The following PPP1R3F variants were observed in gnomAD, a reference collection of about 807,000 sequenced individuals.
PPP1R3F encodes protein phosphatase 1, regulatory (inhibitor) subunit 3F.
In PPP1R3F, 29 loss-of-function variants were observed where a neutral mutation model predicts 24.2. That is an observed-to-expected ratio of 1.20 (90% CI 0.89 to 1.63). PPP1R3F has a LOEUF of 1.63. Among genes scored for constraint, PPP1R3F ranks in the 40% most tolerant of loss-of-function variants. The probability of loss-of-function intolerance (pLI) is 0.00; values close to 1 mark genes in which losing one functional copy is unlikely to be tolerated. For missense variants in PPP1R3F, 823 were observed against 729.3 expected (o/e 1.13, Z -1.48); for synonymous variants, 363 against 340.1 (o/e 1.07, Z -0.74).
In PPP1R3F at chrX:49,286,685, C is replaced by T. The variant is rs782718502; in HGVS notation, c.1995C>T (p.Ser665=). ...GGGTGATAGCTGGGGTGACTGAGTC[C>T]CTGGGGGAGGCCGGGACAGAAGCCC... ...MNRVIAGVTE[S]LGEAGTEAQI... is the part of the protein sequence containing the mutation. The change falls in exon 4 of 4, where the codon TCC becomes TCT. Residue 665 remains serine (S), a synonymous_variant. Transcript: ENST00000055335. The T allele has an allele frequency of 8.3e-7, 1 of 1,209,863 alleles. No homozygotes were observed. The highest frequency in any genetic ancestry group is 3.0e-5 in the East Asian group (1 of 33,777).
intron 1 of PPP1R3F, among the ~76,000 whole-genome samples, chrX:49,271,850 G>A (rs1001069848): frequency 1.8e-5 from 2 of 112,525 alleles, no homozygotes; most frequent in Non-Finnish European, 3.8e-5. Context: ...CACCACCTGT[G>A]ATCATTTAGG....
chrX:49,300,330 A>G (rs1369568308), intron 3 of PPP1R3F, among the ~76,000 whole-genome samples: 4 of 110,393 alleles, frequency 3.6e-5, no homozygotes, highest in African/African-American at 9.9e-5. Context: ...CTTGCCTTCC[A>G]TGGGCTGCAC....
At chrX:49,285,488 G>GC (rs2066276042) in intron 3 of PPP1R3F, among the ~76,000 whole-genome samples, 1 of 111,863 alleles carries the variant, frequency 8.9e-6, no homozygotes, top group Non-Finnish European at 1.9e-5. Flanking sequence ...GAGCCACTGT[G>GC]CCTGGCTACT....
chrX:49,286,040 C>T lies in PPP1R3F; in HGVS notation c.1350C>T (p.Pro450=), dbSNP rs1447295522. ...SEGATGPFLE[P]SQQQAEATWG... The stretch of plus-strand genomic sequence containing the variant: ...GGGCCACCGGGCCTTTCCTGGAGCC[C>T]AGTCAGCAGCAGGCAGAGGCCACAT... Residue 450 remains proline (P), a synonymous_variant, in exon 4 of 4, where the codon CCC becomes CCT. Coordinates refer to ENST00000055335, the MANE Select transcript of PPP1R3F (RefSeq NM_033215.5). 4.3e-6 allele frequency: 5 copies of T among 1,172,658 alleles called. No individual in the cohort carries two copies. The highest frequency in any genetic ancestry group is 4.6e-6 in the Non-Finnish European group (4 of 874,230).
chrX:49,283,992 G>A (rs1557121014), intron 3 of PPP1R3F, among the ~76,000 whole-genome samples: 2 of 111,709 alleles, frequency 1.8e-5, no homozygotes, highest in Non-Finnish European at 3.8e-5. Context: ...AAAAAGCAGT[G>A]TAAATATTTA....
intron 3 of PPP1R3F, among the ~76,000 whole-genome samples, chrX:49,285,572 A>G (rs1038870403): frequency 1.8e-5 from 2 of 111,869 alleles, no homozygotes; most frequent in African/African-American, 6.5e-5. Context: ...CATTCACCAA[A>G]TATTCACACC....
rs1256918707 is a variant in PPP1R3F at position 49,301,263 on chromosome X, CA to C, written c.393-85del. On this transcript the variant is annotated intron_variant, in intron 3 of 3. Transcript: ENST00000471261. ...GTTTTTTTGTCTATTTAATAAAACC[CA>C]AACTGTAGTATGCTTTACATGCCTT... is the stretch of plus-strand genomic sequence containing the variant. 9.7e-6 allele frequency: 4 copies of C among 413,126 alleles called. No homozygotes were observed. The African/African-American group carries it at 1.0e-4, about 11-fold the overall frequency. 34.0% of individuals were successfully genotyped at this position (413,126 alleles called of 1,213,427 possible). A position where few individuals can be genotyped will look rare whatever the true frequency, so the allele number is the denominator to read the frequency against.
intron 3 of PPP1R3F, 92 bp downstream of exon 3, chrX:49,282,155 C>G: frequency 1.5e-6 from 1 of 665,996 alleles, no homozygotes; most frequent in Non-Finnish European, 2.3e-6. Flanking sequence ...CCCACTAGCT[C>G]TGGGTCCTCC....
At chrX:49,272,664 T>C (rs1557119506) in intron 1 of PPP1R3F, among the ~76,000 whole-genome samples, 1 of 112,950 alleles carries the variant, frequency 8.9e-6, no homozygotes, top group Admixed American at 9.3e-5. Context: ...TTGGATTGAA[T>C]GCAGCAAACA....
downstream of PPP1R3F, among the ~76,000 whole-genome samples, chrX:49,292,473 G>T (rs1557122472): frequency 8.9e-6 from 1 of 112,926 alleles, no homozygotes; most frequent in Admixed American, 9.3e-5. Flanking sequence ...GGCCAGGTTG[G>T]CTGAGGGCAC....
chrX:49,295,307 C>A (rs911721316), intron 3 of PPP1R3F, among the ~76,000 whole-genome samples: 8 of 110,495 alleles, frequency 7.2e-5, no homozygotes, highest in Admixed American at 9.6e-5. Context: ...CCACACCTGA[C>A]TAATTTTTGT....
downstream of PPP1R3F, among the ~76,000 whole-genome samples, chrX:49,288,580 G>C (rs782514146): frequency 2.7e-5 from 3 of 112,005 alleles, no homozygotes; most frequent in East Asian, 8.4e-4. Flanking sequence ...CAGATGGCAC[G>C]ATATTTTTGC....
At chrX:49,280,748 T>C (rs1053924099) in intron 1 of PPP1R3F, 1 of 110,925 alleles carries the variant, frequency 9.0e-6, no homozygotes, top group Admixed American at 9.6e-5. Context: ...GGTTTCATCA[T>C]GTTGCCCAGG....
At chrX:49,295,478 G>C (rs2147979708) in intron 3 of PPP1R3F, among the ~76,000 whole-genome samples, 1 of 111,867 alleles carries the variant, frequency 8.9e-6, no homozygotes, top group East Asian at 2.8e-4. Flanking sequence ...TGTCAGTTTT[G>C]CATCCCCAGG....
intron 3 of PPP1R3F, among the ~76,000 whole-genome samples, chrX:49,297,416 G>A (rs1299185352): frequency 2.2e-4 from 24 of 109,472 alleles, no homozygotes; most frequent in Non-Finnish European, 3.4e-4. Context: ...GGGTTTCACC[G>A]TGTTAGCCAG....
chrX:49,285,272 C>T (rs781854602), intron 3 of PPP1R3F, among the ~76,000 whole-genome samples: 52 of 109,833 alleles, frequency 4.7e-4, no homozygotes, highest in African/African-American at 1.5e-3. Context: ...GGCACAGTCT[C>T]GGCTCACTGC....
At chrX:49,296,991 G>A (rs2066324417) in intron 3 of PPP1R3F, among the ~76,000 whole-genome samples, 1 of 110,420 alleles carries the variant, frequency 9.1e-6, no homozygotes, top group Non-Finnish European at 1.9e-5. Flanking sequence ...TGTATATTCT[G>A]TTGATGTGGG....
At chrX:49,294,738 G>A (rs1225135813) in intron 3 of PPP1R3F, among the ~76,000 whole-genome samples, 2 of 107,962 alleles carry the variant, frequency 1.9e-5, no homozygotes, top group Admixed American at 9.9e-5. Context: ...GTGAAACCCC[G>A]TCTCTACTAA....
At chrX:49,278,833 G>A (rs1304716921) in intron 1 of PPP1R3F, among the ~76,000 whole-genome samples, 1 of 112,342 alleles carries the variant, frequency 8.9e-6, no homozygotes, top group Admixed American at 9.4e-5. Context: ...AAGGAGGAGG[G>A]AGGGATCTTG....
Sources: gnomAD v4.1 joint callset for allele counts (sites outside exome capture counted in the v4.1 genomes callset) on GRCh38, gnomAD v4.1.1 for gene constraint, MANE v1.5 for transcripts, NCBI Gene and HGNC (gene_info 2026-07-23, HGNC 2026-07-21) for gene names.